DLG1: variants seen among roughly 807,000 people sequenced by gnomAD.
DLG1 encodes the protein discs large MAGUK scaffold protein 1.
A neutral mutation model predicts 123.4 loss-of-function variants in DLG1; 42 were observed. That is an observed-to-expected ratio of 0.34 (90% CI 0.27 to 0.44). The LOEUF (loss-of-function observed/expected upper bound fraction) is 0.44. Ranked by LOEUF, DLG1 falls within the 20% of genes least tolerant of loss-of-function variation. The pLI is 1.00. For missense variants in DLG1, 942 were observed against 1,082.6 expected (o/e 0.87, Z 1.82); for synonymous variants, 317 against 356.2 (o/e 0.89, Z 1.24).
In DLG1 at chr3:197,066,686, T is replaced by A; in HGVS notation, c.2098+18A>T. On this transcript the variant is annotated intron_variant, in intron 20 of 24. Transcript: ENST00000667157. ...TATTCTTCTAGAAGGTTATAAAACATCAATAGGCTTCACAAACCTTCTTGT... is the reference window on the plus strand; with the variant it reads ...TATTCTTCTAGAAGGTTATAAAACAACAATAGGCTTCACAAACCTTCTTGT... 1 of 1,573,418 alleles carries A rather than the reference T, an allele frequency of 6.4e-7. No homozygotes were observed. Among genetic ancestry groups the A allele is most frequent in the Non-Finnish European group, 8.7e-7 (1 of 1,146,232 alleles).
intron 17 of DLG1, among the ~76,000 whole-genome samples, chr3:197,078,284 T>C (rs1328570862): frequency 6.6e-6 from 1 of 151,732 alleles, no homozygotes; most frequent in African/African-American, 2.4e-5. Flanking sequence ...ACCATTGCAT[T>C]CCAACCTGGG....
chr3:197,049,649 G>A (rs934338284), intron 24 of DLG1, among the ~76,000 whole-genome samples: 4 of 149,520 alleles, frequency 2.7e-5, no homozygotes, highest in Non-Finnish European at 6.0e-5. Context: ...CTACTCAGGA[G>A]GCTGAGGCAG....
chr3:197,136,027 G>A (rs1560948650), intron 10 of DLG1, among the ~76,000 whole-genome samples: 1 of 151,924 alleles, frequency 6.6e-6, no homozygotes. Context: ...GCCCAGGCTG[G>A]TCTTAAACTC....
chr3:197,108,433 T>C (rs1767832853), intron 13 of DLG1, among the ~76,000 whole-genome samples: 1 of 152,184 alleles, frequency 6.6e-6, no homozygotes, highest in Non-Finnish European at 1.5e-5. Context: ...CCTGGGATTT[T>C]TGTGTTTTGT....
intron 4 of DLG1, among the ~76,000 whole-genome samples, chr3:197,245,394 G>T (rs1003738326): frequency 1.3e-5 from 2 of 152,246 alleles, no homozygotes; most frequent in South Asian, 4.2e-4. Context: ...CGGCCTGTTG[G>T]GGGTATTTTG....
intron 4 of DLG1, among the ~76,000 whole-genome samples, chr3:197,281,012 T>C (rs1038326739): frequency 2.0e-5 from 3 of 147,524 alleles, no homozygotes; most frequent in African/African-American, 7.7e-5. Flanking sequence ...CTAAACTTTT[T>C]GTGGAGGCTC....
chr3:197,265,689 G>C (rs1334035434), intron 4 of DLG1, among the ~76,000 whole-genome samples: 2 of 152,166 alleles, frequency 1.3e-5, no homozygotes, highest in Non-Finnish European at 2.9e-5. Flanking sequence ...CAAGAATAAT[G>C]AAAACTCATA....
At chr3:197,167,870 A>G (rs1802195037) in intron 5 of DLG1, among the ~76,000 whole-genome samples, 1 of 152,212 alleles carries the variant, frequency 6.6e-6, no homozygotes, top group Non-Finnish European at 1.5e-5. Context: ...GGTTCTTTTA[A>G]GGACACTAAA....
intron 4 of DLG1, among the ~76,000 whole-genome samples, chr3:197,251,920 G>T (rs920435670): frequency 2.0e-5 from 3 of 152,204 alleles, no homozygotes; most frequent in African/African-American, 7.2e-5. Flanking sequence ...GGGAAACAAT[G>T]CCCAGTACAT....
intron 13 of DLG1, among the ~76,000 whole-genome samples, chr3:197,105,873 A>T (rs569125579): frequency 4.6e-5 from 7 of 152,230 alleles, no homozygotes; most frequent in African/African-American, 1.7e-4. Context: ...GGCAATGTTC[A>T]GGACCTTCAC....
chr3:197,054,441 C>CTCT (rs1730234437), intron 23 of DLG1, among the ~76,000 whole-genome samples: 1 of 152,030 alleles, frequency 6.6e-6, no homozygotes, highest in Admixed American at 6.6e-5. Context: ...TTCTCTGTTT[C>CTCT]GCAGACTAAA....
At chr3:197,291,472 T>C (rs1774894436) in intron 3 of DLG1, among the ~76,000 whole-genome samples, 1 of 152,238 alleles carries the variant, frequency 6.6e-6, no homozygotes. Context: ...TTTCAAAATG[T>C]GTGATTTCCA....
At position 197,236,731 on chromosome 3, in the gene DLG1, G is replaced by A. The variant is rs571714341; in HGVS notation, c.319-42142C>T. Among the ~76,000 whole-genome samples, 10 of 152,192 alleles carry A rather than the reference G, an allele frequency of 6.6e-5. No homozygotes were observed. The South Asian group carries it at 1.9e-3, about 28-fold the overall frequency. ...GATTTTCACAGTTTTACCAAGTAAC[G>A]GAGGTGGTAGACAATCTATAATCAG... On this transcript the variant is annotated intron_variant, in intron 4 of 24. Transcript: ENST00000667157.
chr3:197,052,175 C>T (rs1220932179), intron 23 of DLG1, among the ~76,000 whole-genome samples: 4 of 151,462 alleles, frequency 2.6e-5, no homozygotes, highest in Non-Finnish European at 5.9e-5. Flanking sequence ...AAATAATAGG[C>T]TGGACATGGT....
intron 3 of DLG1, among the ~76,000 whole-genome samples, chr3:197,291,337 A>ACACACG (rs1774820166): frequency 1.4e-5 from 2 of 146,540 alleles, no homozygotes; most frequent in African/African-American, 4.9e-5. Context: ...ACACACACAC[A>ACACACG]CACAGTTAGC....
At chr3:197,246,460 A>AC (rs1751777151) in intron 4 of DLG1, among the ~76,000 whole-genome samples, 1 of 152,044 alleles carries the variant, frequency 6.6e-6, no homozygotes, top group African/African-American at 2.4e-5. Context: ...CCATCTTCCT[A>AC]CCTTTTGATT....
intron 8 of DLG1, 144 bp downstream of exon 8, chr3:197,139,996 C>T (rs1465831331): frequency 6.4e-6 from 5 of 776,480 alleles, no homozygotes; most frequent in East Asian, 5.7e-5. Flanking sequence ...TTATCTCATT[C>T]ATTGACTTGA....
rs776783444 is a variant in DLG1 at position 197,051,718 on chromosome 3, A to T, written c.2484-50T>A. On this transcript the variant is annotated intron_variant, in intron 23 of 24. Coordinates refer to ENST00000667157, the MANE Select transcript of DLG1 (RefSeq NM_001366207.1). The stretch of plus-strand genomic sequence containing the variant: ...ATAATTACCAAATTATAATACTTTT[A>T]AAAAAAAGATGGCAAAGGAGAGATG... 8.1e-5 allele frequency: 113 copies of T among 1,402,302 alleles called. No homozygotes were observed. The African/African-American group carries it at 1.4e-3, about 18-fold the overall frequency. The allele number at this position is 1,402,302 out of a possible 1,614,324, so 86.9% of individuals were successfully genotyped here. A position where few individuals can be genotyped will look rare whatever the true frequency, so the allele number is the denominator to read the frequency against.
chr3:197,075,759 A>C, intron 18 of DLG1: 1 of 1,310,576 alleles, frequency 7.6e-7, no homozygotes, highest in Non-Finnish European at 1.1e-6. Context: ...CACTACCATG[A>C]ATCTCAAAAT....
Sources: gnomAD v4.1 joint callset for allele counts (sites outside exome capture counted in the v4.1 genomes callset) on GRCh38, gnomAD v4.1.1 for gene constraint, MANE v1.5 for transcripts, NCBI Gene and HGNC (gene_info 2026-07-23, HGNC 2026-07-21) for gene names.